The following ADAM10 variants were observed in gnomAD, a reference collection of about 807,000 sequenced individuals.
ADAM10 encodes disintegrin and metalloproteinase domain-containing protein 10.
A neutral mutation model predicts 90.1 loss-of-function variants in ADAM10; 17 were observed. The ratio of observed to expected loss-of-function variants is 0.19; its 90% CI spans 0.13 to 0.28. The LOEUF (loss-of-function observed/expected upper bound fraction) is 0.28, where lower values mean the gene tolerates loss of function less well. ADAM10 is among the 10% of genes least tolerant of loss of function. ADAM10 has a pLI of 1.00. For missense variants in ADAM10, 610 were observed against 914.3 expected, an observed-to-expected ratio of 0.67 and a Z score of 4.29; for synonymous variants, 310 against 298.6, an observed-to-expected ratio of 1.04 and a Z score of -0.40.
chr15:58,619,541 G>T (rs28600144), intron 11 of ADAM10, among the ~76,000 whole-genome samples: 43,529 of 152,032 alleles, frequency 0.29, 8,831 homozygotes, highest in African/African-American at 0.57. Context: ...TTGATCATTA[G>T]ATATTGTATG....
rs150713792 is a variant in ADAM10 at position 58,689,410 on chromosome 15, C to G, written c.207-7096G>C. Among the ~76,000 whole-genome samples, 1,432 of 152,206 alleles carry G rather than the reference C, an allele frequency of 9.4e-3. 20 individuals are homozygous for G. Among genetic ancestry groups the G allele is most frequent in the African/African-American group, 0.033 (1,357 of 41,518 alleles). ...ATGAGGCAGGAGAATTGCTTGAACC[C>G]AGGAGGCAGAGGTTGCAGTGAGCTG... On this transcript the variant is annotated intron_variant, in intron 2 of 15. Transcript: ENST00000260408.
At chr15:58,597,745 G>A (rs1894997291) in intron 15 of ADAM10, 104 bp from the exon 16 acceptor site, 2 of 1,267,424 alleles carry the variant, frequency 1.6e-6, no homozygotes, top group East Asian at 5.0e-5. Context: ...GTTCAGTGCT[G>A]TCCAATAATA....
intron 5 of ADAM10, among the ~76,000 whole-genome samples, chr15:58,651,358 T>C (rs1217156725): frequency 1.7e-4 from 26 of 152,274 alleles, no homozygotes; most frequent in African/African-American, 5.8e-4. Context: ...TCATTCTTTC[T>C]AACATGTTTT....
intron 14 of ADAM10, among the ~76,000 whole-genome samples, chr15:58,601,151 A>G (rs1007929810): frequency 9.9e-5 from 15 of 152,134 alleles, no homozygotes; most frequent in African/African-American, 3.6e-4. Context: ...AGTACAATTC[A>G]AAAGTTCCAA....
intron 1 of ADAM10, among the ~76,000 whole-genome samples, chr15:58,729,958 T>TAAAAAAAAAAA (rs776357246): frequency 2.5e-5 from 3 of 118,428 alleles, no homozygotes; most frequent in Admixed American, 9.1e-5. Flanking sequence ...CGAGGCTCTG[T>TAAAAAAAAAAA]AAAAAAAAAC....
At chr15:58,688,786 A>ATATATATATATATATCTCTCTCTC in intron 2 of ADAM10, among the ~76,000 whole-genome samples, 111 of 122,342 alleles carry the variant, frequency 9.1e-4, no homozygotes, top group African/African-American at 3.7e-3. Context: ...ATATATATAT[A>ATATATATATATATATCTCTCTCTC]TCTCTCTCTC....
chr15:58,674,997 A>C (rs1897279632), intron 4 of ADAM10, among the ~76,000 whole-genome samples: 1 of 152,228 alleles, frequency 6.6e-6, no homozygotes, highest in Admixed American at 6.5e-5. Flanking sequence ...AGAGATCGAG[A>C]CCATCCTGGC....
chr15:58,620,658 G>GTTTTTTTTTTTTTTT (rs1365262711), intron 11 of ADAM10, among the ~76,000 whole-genome samples: 1 of 51,630 alleles, frequency 1.9e-5, no homozygotes, highest in African/African-American at 2.0e-4. Flanking sequence ...TAAAGAATAT[G>GTTTTTTTTTTTTTTT]TATTTTTTTT....
chr15:58,713,014 A>C (rs1475735343), intron 2 of ADAM10, among the ~76,000 whole-genome samples: 2 of 152,218 alleles, frequency 1.3e-5, no homozygotes, highest in African/African-American at 2.4e-5. Context: ...GTCATTAAGA[A>C]CAATTACCGA....
chr15:58,728,034 T>C (rs1018615263), intron 1 of ADAM10, among the ~76,000 whole-genome samples: 27 of 152,150 alleles, frequency 1.8e-4, no homozygotes, highest in African/African-American at 4.3e-4. Flanking sequence ...ACTAGATAGA[T>C]AGAATATATT....
intron 8 of ADAM10, among the ~76,000 whole-genome samples, chr15:58,634,582 C>A (rs1000268895): frequency 3.9e-5 from 6 of 152,076 alleles, no homozygotes; most frequent in African/African-American, 1.4e-4. Flanking sequence ...ATAGGAAAAT[C>A]AGAAACCATC....
chr15:58,676,276 C>G (rs1290329296), intron 4 of ADAM10: 2 of 455,440 alleles, frequency 4.4e-6, no homozygotes, highest in Non-Finnish European at 8.8e-6. Context: ...TTTTCTAAGC[C>G]TCAGTTTAAG....
intron 2 of ADAM10, among the ~76,000 whole-genome samples, chr15:58,701,014 C>CAAAAAAAAAAAAAAA (rs1257060994): frequency 1.2e-3 from 54 of 44,594 alleles, no homozygotes; most frequent in Non-Finnish European, 2.5e-3. Flanking sequence ...TAAAAAAAAA[C>CAAAAAAAAAAAAAAA]AAAAAAACAA....
At chr15:58,676,738 G>A (rs530350724) in intron 4 of ADAM10, among the ~76,000 whole-genome samples, 16 of 152,162 alleles carry the variant, frequency 1.1e-4, no homozygotes, top group African/African-American at 3.4e-4. Flanking sequence ...GTTCACTTGA[G>A]CCCAGGAGGT....
chr15:58,736,252 AGTC>A (rs1595668463), intron 1 of ADAM10, among the ~76,000 whole-genome samples: 2 of 152,204 alleles, frequency 1.3e-5, no homozygotes, highest in Admixed American at 6.5e-5. Context: ...TACTCTGCAA[AGTC>A]AACGTCTTCT....
intron 2 of ADAM10, among the ~76,000 whole-genome samples, chr15:58,701,026 A>C (rs1898121065): frequency 6.6e-6 from 1 of 151,120 alleles, no homozygotes; most frequent in African/African-American, 2.4e-5. Context: ...AAAAAACAAA[A>C]AAAAAAAAAC....
intron 4 of ADAM10, among the ~76,000 whole-genome samples, chr15:58,671,339 CAT>C (rs1359187919): frequency 6.6e-6 from 1 of 152,120 alleles, no homozygotes; most frequent in Non-Finnish European, 1.5e-5. Context: ...CAGAATATAA[CAT>C]GTCTTTAATA....
At chr15:58,704,313 G>T (rs368525756) in intron 2 of ADAM10, among the ~76,000 whole-genome samples, 2 of 152,156 alleles carry the variant, frequency 1.3e-5, no homozygotes, top group East Asian at 1.9e-4. Flanking sequence ...TGGAGGGAGA[G>T]AAAAATGGGG....
chr15:58,676,344 G>GAATTC, intron 4 of ADAM10: 1 of 454,452 alleles, frequency 2.2e-6, no homozygotes, highest in South Asian at 1.6e-5. Flanking sequence ...GTTATTTTGA[G>GAATTC]AATTCAATTC....
Sources: allele counts gnomAD v4.1 joint callset (sites outside exome capture counted in the v4.1 genomes callset), GRCh38; gene constraint gnomAD v4.1.1; transcripts MANE v1.5; gene names NCBI Gene and HGNC (gene_info 2026-07-23, HGNC 2026-07-21).